ROR1: variants seen among roughly 807,000 people sequenced by gnomAD.
ROR1 encodes inactive tyrosine-protein kinase transmembrane receptor ROR1.
In ROR1, 19 loss-of-function variants were observed where a neutral mutation model predicts 78.8. The observed-to-expected ratio is 0.24, with a 90% CI of 0.17 to 0.35. ROR1 has a LOEUF of 0.35. Ranked by LOEUF, ROR1 falls within the 10% of genes least tolerant of loss-of-function variation. The probability of loss-of-function intolerance (pLI) is 1.00; values close to 1 mark genes in which losing one functional copy is unlikely to be tolerated. For synonymous variants in ROR1, 386 were observed against 433.6 expected, an observed-to-expected ratio of 0.89 and a Z score of 1.36; for missense variants, 917 against 1,177.8, an observed-to-expected ratio of 0.78 and a Z score of 3.24.
intron 1 of ROR1, among the ~76,000 whole-genome samples, chr1:63,856,367 C>T (rs1193058012): frequency 6.6e-6 from 1 of 152,184 alleles, no homozygotes; most frequent in Non-Finnish European, 1.5e-5. Flanking sequence ...ATGTGCTCTC[C>T]TCGTGGCGTG....
chr1:64,128,146 C>A (rs1241051586), intron 4 of ROR1, among the ~76,000 whole-genome samples: 2 of 151,912 alleles, frequency 1.3e-5, no homozygotes, highest in Non-Finnish European at 2.9e-5. Context: ...TTATTTCTTC[C>A]ATTTAGCAAA....
chr1:63,890,710 G>A (rs1007969381), intron 1 of ROR1, among the ~76,000 whole-genome samples: 1 of 152,032 alleles, frequency 6.6e-6, no homozygotes, highest in East Asian at 1.9e-4. Context: ...GGAGTTTCAG[G>A]TAGAAGAAAT....
chr1:64,106,828 T>G (rs1270074740), intron 4 of ROR1: 1 of 152,080 alleles, frequency 6.6e-6, no homozygotes, highest in African/African-American at 2.4e-5. Flanking sequence ...GATGGATAAG[T>G]TTTTTGATGT....
intron 8 of ROR1, among the ~76,000 whole-genome samples, chr1:64,162,499 C>A (rs1349333389): frequency 1.3e-5 from 2 of 152,186 alleles, no homozygotes; most frequent in Non-Finnish European, 2.9e-5. Flanking sequence ...GCCAGTGGAC[C>A]AGAGAGGCAC....
At position 64,051,465 on chromosome 1, in the gene ROR1, AAT is replaced by A. The variant is rs754043885; in HGVS notation, c.482+751_482+752del. Among the ~76,000 whole-genome samples the A allele has an allele frequency of 9.8e-3, 258 of 26,362 alleles. 11 individuals carry two copies. Among genetic ancestry groups the A allele is most frequent in the Middle Eastern group, 0.071 (3 of 42 alleles). The allele number at this position is 26,362 out of a possible 152,430, so 17.3% of individuals were successfully genotyped here. A position where few individuals can be genotyped will look rare whatever the true frequency, so the allele number is the denominator to read the frequency against. On this transcript the variant is annotated intron_variant, in intron 4 of 8. Transcript: ENST00000371079. ...ACTCCGTCTCAAAAATAAAAAATAA[AAT>A]AAAATAAAATAAAATAAAATAAAAT...
chr1:64,006,728 G>A (rs980252978), intron 1 of ROR1, among the ~76,000 whole-genome samples: 2 of 152,192 alleles, frequency 1.3e-5, no homozygotes, highest in Non-Finnish European at 2.9e-5. Flanking sequence ...GGAAACCAGG[G>A]CCACTGTAGG....
chr1:63,818,167 A>T (rs1644903522), intron 1 of ROR1, among the ~76,000 whole-genome samples: 1 of 152,156 alleles, frequency 6.6e-6, no homozygotes, highest in Non-Finnish European at 1.5e-5. Flanking sequence ...CCTTGGAAAG[A>T]TTCTTACTCT....
At chr1:64,097,516 A>G (rs1005001070) in intron 4 of ROR1, among the ~76,000 whole-genome samples, 3 of 152,046 alleles carry the variant, frequency 2.0e-5, no homozygotes, top group African/African-American at 7.2e-5. Context: ...TCTGTTTATC[A>G]CAGACAAGAT....
chr1:63,798,448 C>T (rs1342991664), intron 1 of ROR1, among the ~76,000 whole-genome samples: 17 of 151,972 alleles, frequency 1.1e-4, no homozygotes, highest in Admixed American at 1.1e-3. Flanking sequence ...AGGAGGAGGC[C>T]ACAGACCTGA....
chr1:63,898,720 A>C (rs189851298), intron 1 of ROR1, among the ~76,000 whole-genome samples: 5 of 151,990 alleles, frequency 3.3e-5, no homozygotes, highest in Non-Finnish European at 5.9e-5. Context: ...GGGAAGAGAG[A>C]GAGAACGAGA....
intron 1 of ROR1, among the ~76,000 whole-genome samples, chr1:63,916,929 A>G (rs1645613405): frequency 1.3e-5 from 2 of 152,186 alleles, no homozygotes; most frequent in Non-Finnish European, 2.9e-5. Context: ...GCTCAGGCCT[A>G]CTTTCAGTTC....
chr1:64,057,881 G>A (rs1313226916), intron 4 of ROR1, among the ~76,000 whole-genome samples: 1 of 152,086 alleles, frequency 6.6e-6, no homozygotes, highest in Non-Finnish European at 1.5e-5. Flanking sequence ...CCACCAAAAA[G>A]TCAGCTGGAA....
chr1:64,067,177 T>C (rs545699301), intron 4 of ROR1, among the ~76,000 whole-genome samples: 4 of 151,748 alleles, frequency 2.6e-5, no homozygotes, highest in African/African-American at 9.7e-5. Flanking sequence ...TGGCGAAACC[T>C]AGTCTCTAAT....
At chr1:63,948,788 G>C (rs1467198224) in intron 1 of ROR1, among the ~76,000 whole-genome samples, 2 of 152,164 alleles carry the variant, frequency 1.3e-5, no homozygotes, top group Admixed American at 1.3e-4. Flanking sequence ...TCTGCCATGA[G>C]ATTTACAGCA....
At chr1:63,937,854 G>C (rs535452172) in intron 1 of ROR1, among the ~76,000 whole-genome samples, 1 of 152,324 alleles carries the variant, frequency 6.6e-6, no homozygotes, top group South Asian at 2.1e-4. Flanking sequence ...ACTTGTTCCA[G>C]TGTTAATATA....
At chr1:64,019,130 G>C (rs1245766006) in intron 2 of ROR1, among the ~76,000 whole-genome samples, 1 of 152,210 alleles carries the variant, frequency 6.6e-6, no homozygotes, top group African/African-American at 2.4e-5. Context: ...GTCTCCAGGT[G>C]ATTCTAGTGT....
At chr1:64,025,266 C>T (rs1490092991) in intron 2 of ROR1, among the ~76,000 whole-genome samples, 1 of 152,132 alleles carries the variant, frequency 6.6e-6, no homozygotes, top group Non-Finnish European at 1.5e-5. Flanking sequence ...CTCTAGAAGT[C>T]GTATAATGTG....
At chr1:63,869,465 T>G (rs1645237747) in intron 1 of ROR1, among the ~76,000 whole-genome samples, 1 of 152,124 alleles carries the variant, frequency 6.6e-6, no homozygotes, top group Admixed American at 6.5e-5. Flanking sequence ...CCTTACTATT[T>G]TTTGTCAGGC....
At chr1:63,908,503 A>G (rs1645545122) in intron 1 of ROR1, among the ~76,000 whole-genome samples, 2 of 152,220 alleles carry the variant, frequency 1.3e-5, no homozygotes, top group African/African-American at 4.8e-5. Flanking sequence ...TAGTGTTAAC[A>G]TTTTGGTGTC....
Sources: gnomAD v4.1 joint callset for allele counts (sites outside exome capture counted in the v4.1 genomes callset) on GRCh38, gnomAD v4.1.1 for gene constraint, MANE v1.5 for transcripts, NCBI Gene and HGNC (gene_info 2026-07-23, HGNC 2026-07-21) for gene names.